Variants in REN observed in about 807,000 individuals in gnomAD.
REN encodes the protein angiotensin-forming enzyme.
In REN, 42 loss-of-function variants were observed where a neutral mutation model predicts 48.6. The ratio of observed to expected loss-of-function variants is 0.86; its 90% confidence interval spans 0.68 to 1.12. The LOEUF (loss-of-function observed/expected upper bound fraction) is 1.12. REN is among the 50% of genes most tolerant of loss of function. REN has a pLI of 0.00. For synonymous variants in REN, 196 were observed against 204.6 expected (o/e 0.96, Z 0.36); for missense variants, 443 against 527.3 (o/e 0.84, Z 1.57).
At chr1:204,164,105 C>A (rs1316825226) in intron 1 of REN, among the ~76,000 whole-genome samples, 1 of 152,202 alleles carries the variant, frequency 6.6e-6, no homozygotes, top group African/African-American at 2.4e-5. Context: ...ACCCCTTGCC[C>A]AATTCCATTC....
At chr1:204,165,754 G>C (rs935149112) in intron 1 of REN, among the ~76,000 whole-genome samples, 79 of 152,072 alleles carry the variant, frequency 5.2e-4, no homozygotes, top group African/African-American at 1.9e-3. Context: ...ACCATGCCCG[G>C]CTAATTTTTG....
intron 3 of REN, 53 bp downstream of exon 3, chr1:204,161,239 T>G: frequency 5.8e-6 from 9 of 1,539,450 alleles, no homozygotes; most frequent in Non-Finnish European, 7.9e-6. Flanking sequence ...GGATTGCTCA[T>G]GCACAGTAGG....
At chr1:204,162,527 T>C (rs556712734) in intron 1 of REN, among the ~76,000 whole-genome samples, 1 of 152,326 alleles carries the variant, frequency 6.6e-6, no homozygotes, top group South Asian at 2.1e-4. Flanking sequence ...AGAAAGATAA[T>C]GATCATGACT....
At chr1:204,157,127 C>T (rs1186470122) in intron 6 of REN, among the ~76,000 whole-genome samples, 1 of 152,194 alleles carries the variant, frequency 6.6e-6, no homozygotes, top group Non-Finnish European at 1.5e-5. Context: ...ACACCCCTCA[C>T]TCTTGGGTTG....
intron 4 of REN, among the ~76,000 whole-genome samples, chr1:204,159,899 C>A (rs1222815503): frequency 6.6e-6 from 1 of 152,178 alleles, no homozygotes; most frequent in Non-Finnish European, 1.5e-5. Flanking sequence ...GACTTTCGTG[C>A]CTGGCAGGAC....
Position 204,161,396 on chromosome 1 carries a change from A to G in REN, c.269T>C (p.Ile90Thr), listed in dbSNP as rs772001785. Residue 90 changes from isoleucine to threonine, a missense_variant, in exon 3 of 10, where the codon ATT becomes ACT. Transcript: ENST00000272190. ...NYMDTQYYGE[I>T]GIGTPPQTFK... is the part of the protein sequence containing the mutation. ...GGTCTGGGGTGGGGTGCCGATGCCA[A>G]TCTCGCCATAGTACTGGGTCTGTGG... 1.9e-6 allele frequency: 3 copies of G among 1,593,626 alleles called. No individual in the cohort carries two copies. The highest frequency in any genetic ancestry group is 1.7e-5 in the Admixed American group (1 of 58,406).
chr1:204,156,946 G>A lies in REN; in HGVS notation c.699-150C>T, dbSNP rs557337953. On this transcript the variant is annotated intron_variant, in intron 6 of 9. Transcript: ENST00000272190. This position sits in a 1 kb window ranked among gnomAD's most constrained non-coding sequence, Gnocchi z 4.2. ...ACAGACAGCCAGGCTCGGAGCTGTC[G>A]TTGGGAAGCATGCAGAACATACTGC... is the stretch of plus-strand genomic sequence containing the variant. 2.0e-5 allele frequency: 21 copies of A among 1,029,540 alleles called. 1 individual carries two copies. The highest frequency in any genetic ancestry group is 9.0e-5 in the Admixed American group (5 of 55,742). The allele number at this position is 1,029,540 out of a possible 1,614,324, so 63.8% of individuals were successfully genotyped here.
In REN at chr1:204,166,296, T is replaced by G; in HGVS notation, c.-3A>C. ...GGCATCCTTCTCCATCCATCCATGC[T>G]TCCCTCAGTCTGGGGCTCTCTCTGA... On this transcript the variant is annotated 5_prime_UTR_variant, in exon 1 of 10. Transcript: ENST00000272190. The G allele has an allele frequency of 6.2e-7, 1 of 1,614,048 alleles. No homozygotes were observed. The highest frequency in any genetic ancestry group is 8.5e-7 in the Non-Finnish European group (1 of 1,179,874).
At chr1:204,164,977 CTT>C (rs879485595) in intron 1 of REN, among the ~76,000 whole-genome samples, 6 of 144,576 alleles carry the variant, frequency 4.2e-5, no homozygotes, top group Admixed American at 6.9e-5. Flanking sequence ...TTTTTTCTTT[CTT>C]TTTTTTTTTT....
intron 4 of REN, among the ~76,000 whole-genome samples, chr1:204,160,160 G>A (rs1214910738): frequency 6.6e-6 from 1 of 152,192 alleles, no homozygotes; most frequent in African/African-American, 2.4e-5. Flanking sequence ...CTGAGTCCCA[G>A]AGTCAACCTC....
At chr1:204,164,587 T>TTTTTTC (rs1658311391) in intron 1 of REN, among the ~76,000 whole-genome samples, 1 of 146,738 alleles carries the variant, frequency 6.8e-6, no homozygotes, top group Non-Finnish European at 1.5e-5. Flanking sequence ...TTTTTTTTTT[T>TTTTTTC]TTACATAAGG....
chr1:204,159,365 C>A, intron 5 of REN, 34 bp downstream of exon 5: 1 of 1,593,966 alleles, frequency 6.3e-7, no homozygotes, highest in African/African-American at 1.3e-5. Context: ...CCCTCCTGTC[C>A]CCCCACCTCA....
At chr1:204,155,946 T>C in intron 8 of REN, 28 bp from the exon 9 acceptor site, 4 of 1,584,314 alleles carry the variant, frequency 2.5e-6, no homozygotes, top group Non-Finnish European at 3.5e-6. Flanking sequence ...GAGAGCCTTC[T>C]TGAGTATGGA....
Position 204,154,876 on chromosome 1 carries a change from G to C in REN, c.*140C>G. 1.1e-6 allele frequency: 1 copy of C among 933,090 alleles called. No homozygotes were observed. Among genetic ancestry groups the C allele is most frequent in the East Asian group, 2.6e-5 (1 of 38,456 alleles). 57.8% of individuals were successfully genotyped at this position (933,090 alleles called of 1,614,324 possible). ...CAAAGCAGGGAAGGGCTGGTGCAGG[G>C]GTCAGGGCACGCATCCAGCAGGAGC... is the stretch of plus-strand genomic sequence containing the variant. On this transcript the variant is annotated 3_prime_UTR_variant, in exon 10 of 10. Transcript: ENST00000272190.
rs1558243744 is a variant in REN at position 204,156,653 on chromosome 1, CG to C, written c.818+23del. 1 of 1,613,898 alleles carries C rather than the reference CG, an allele frequency of 6.2e-7. No individual in the cohort carries two copies. The highest frequency in any genetic ancestry group is 8.5e-7 in the Non-Finnish European group (1 of 1,179,932). ...AGTGACGGCAGCATTTTTTGGAGCC[CG>C]GGGAGGGTTGAGGATTTCTGACCCC... On this transcript the variant is annotated intron_variant, in intron 7 of 9. Transcript: ENST00000272190. This position sits in a 1 kb window ranked among gnomAD's most constrained non-coding sequence, Gnocchi z 4.2.
At chr1:204,160,747 C>T in intron 3 of REN, 69 bp from the exon 4 acceptor site, 2 of 1,116,520 alleles carry the variant, frequency 1.8e-6, no homozygotes, top group South Asian at 2.5e-5. Flanking sequence ...AGGCAGGGTG[C>T]ATTGTGGGTA....
At position 204,162,032 on chromosome 1, in the gene REN, A is replaced by G. The variant is rs574100052; in HGVS notation, c.230T>C (p.Ile77Thr). ...LTLGNTTSSVILTNYMDTQYY... is the reference protein window; with the variant it reads ...LTLGNTTSSVTLTNYMDTQYY... ...ACTCACGTCCATGTAGTTGGTGAGG[A>G]TCACGGAGGAGGTGGTGTTGCCAAG... The change falls in exon 2 of 10, where the codon ATC (isoleucine) becomes ACC (threonine). Residue 77 changes from isoleucine to threonine, a missense_variant. By Grantham distance (89) the Ile-to-Thr change is moderately conservative. Transcript: ENST00000272190. 98 of 1,614,192 alleles carry G rather than the reference A, an allele frequency of 6.1e-5. No homozygotes were observed. Among genetic ancestry groups the G allele is most frequent in the Middle Eastern group, 1.6e-4 (1 of 6,062 alleles).
At chr1:204,157,178 G>A (rs535214131) in intron 6 of REN, among the ~76,000 whole-genome samples, 183 bp downstream of exon 6, 1 of 152,284 alleles carries the variant, frequency 6.6e-6, no homozygotes, top group South Asian at 2.1e-4. Flanking sequence ...CCCTGGGGAG[G>A]CTATTGGGTA....
Position 204,160,800 on chromosome 1 carries a change from A to G in REN, c.374-122T>C, listed in dbSNP as rs987045387. 4 of 792,128 alleles carry G rather than the reference A, an allele frequency of 5.0e-6. No individual in the cohort carries two copies. The African/African-American group carries it at 5.1e-5, about 10-fold the overall frequency. The allele number at this position is 792,128 out of a possible 1,614,324, so 49.1% of individuals were successfully genotyped here. ...TGCAGGGATGAGTGGCCCTAGGGTC[A>G]GGGGGCTTGGAATATGTGCTTCATC... On this transcript the variant is annotated intron_variant, in intron 3 of 9. Transcript: ENST00000272190.
Sources: allele counts gnomAD v4.1 joint callset (sites outside exome capture counted in the v4.1 genomes callset), GRCh38; gene constraint gnomAD v4.1.1; non-coding constraint Gnocchi (gnomAD v3.1); transcripts MANE v1.5; gene names NCBI Gene and HGNC (gene_info 2026-07-23, HGNC 2026-07-21).